SEZ6L: variants seen among roughly 807,000 people sequenced by gnomAD.
SEZ6L encodes the protein seizure 6-like protein.
In SEZ6L, 37 loss-of-function variants were observed where a neutral mutation model predicts 106.2. That is an observed-to-expected ratio of 0.35 (90% confidence interval 0.27 to 0.46). The LOEUF (loss-of-function observed/expected upper bound fraction) is 0.46, where lower values mean the gene tolerates loss of function less well. SEZ6L is among the 20% of genes least tolerant of loss of function. The pLI is 1.00. For missense variants in SEZ6L, 1,172 were observed against 1,332.8 expected (o/e 0.88, Z 1.88); for synonymous variants, 541 against 570.4 (o/e 0.95, Z 0.73).
intron 5 of SEZ6L, among the ~76,000 whole-genome samples, chr22:26,303,392 T>C (rs1185220991): frequency 6.6e-6 from 1 of 152,222 alleles, no homozygotes; most frequent in East Asian, 1.9e-4. Flanking sequence ...GAGCTGATAT[T>C]AGAGATACAA....
chr22:26,174,326 C>T (rs1938828549), intron 1 of SEZ6L, among the ~76,000 whole-genome samples: 2 of 152,244 alleles, frequency 1.3e-5, no homozygotes, highest in Admixed American at 1.3e-4. Flanking sequence ...GAAGGCTTCA[C>T]TCTCAGAACA....
At chr22:26,277,474 T>G (rs980044317) in intron 1 of SEZ6L, among the ~76,000 whole-genome samples, 1 of 152,196 alleles carries the variant, frequency 6.6e-6, no homozygotes, top group South Asian at 2.1e-4. Context: ...CAGCAAGAAA[T>G]TAATCAGTTG....
intron 1 of SEZ6L, among the ~76,000 whole-genome samples, chr22:26,170,367 C>T (rs1938502579): frequency 6.6e-6 from 1 of 152,022 alleles, no homozygotes; most frequent in Admixed American, 6.5e-5. Context: ...GCTGAGGGCT[C>T]TGAGAACTTG....
At chr22:26,222,488 C>T (rs2078506120) in intron 1 of SEZ6L, among the ~76,000 whole-genome samples, 1 of 152,164 alleles carries the variant, frequency 6.6e-6, no homozygotes, top group Non-Finnish European at 1.5e-5. Context: ...AGGTGACCAG[C>T]ATTATTGAGC....
chr22:26,259,680 A>G (rs1392164619), intron 1 of SEZ6L, among the ~76,000 whole-genome samples: 2 of 152,186 alleles, frequency 1.3e-5, no homozygotes, highest in Admixed American at 6.5e-5. Context: ...CACCACGTGA[A>G]TAGCTCAAGT....
At chr22:26,367,255 G>A (rs751379377) in intron 13 of SEZ6L, among the ~76,000 whole-genome samples, 15 of 152,066 alleles carry the variant, frequency 9.9e-5, no homozygotes, top group Non-Finnish European at 1.9e-4. Context: ...AAGAGTCTCC[G>A]TACACTTCTC....
intron 9 of SEZ6L, among the ~76,000 whole-genome samples, chr22:26,316,036 G>A (rs1267666129): frequency 6.6e-6 from 1 of 152,056 alleles, no homozygotes; most frequent in Non-Finnish European, 1.5e-5. Flanking sequence ...CTGGGCAACA[G>A]AGTAAGACTC....
Position 26,375,561 on chromosome 22 carries a change from G to A in SEZ6L, c.2828-14G>A. The A allele has an allele frequency of 6.2e-7, 1 of 1,609,664 alleles. No individual in the cohort carries two copies. Among genetic ancestry groups the A allele is most frequent in the Non-Finnish European group, 8.5e-7 (1 of 1,176,150 alleles). ...TACCTGGGAAATGAGGACCTCACTG[G>A]CTCCTGTGTTCAGTAGCAGAAGCGG... On this transcript the variant is annotated splice_polypyrimidine_tract_variant and intron_variant, in intron 14 of 16. Transcript: ENST00000248933.
chr22:26,297,737 T>C (rs1465668293), intron 4 of SEZ6L, among the ~76,000 whole-genome samples: 1 of 151,872 alleles, frequency 6.6e-6, no homozygotes, highest in South Asian at 2.1e-4. Flanking sequence ...TCCTTTCTCC[T>C]TCCTTCTCTT....
chr22:26,303,243 G>A lies in SEZ6L; in HGVS notation c.1349-2736G>A, dbSNP rs1485089617. ...CCTGAAAGAAGTATGGAGCTTCTTG[G>A]CAATGTCTTTGCTGTAGGTCACAAC... On this transcript the variant is annotated intron_variant, in intron 5 of 16. Transcript: ENST00000248933. Among the ~76,000 whole-genome samples, 3 of 152,186 alleles carry A rather than the reference G, an allele frequency of 2.0e-5. No individual in the cohort carries two copies. The East Asian group carries it at 5.8e-4, about 29-fold the overall frequency.
intron 1 of SEZ6L, among the ~76,000 whole-genome samples, chr22:26,225,601 A>G (rs2145733125): frequency 6.6e-6 from 1 of 152,322 alleles, no homozygotes; most frequent in East Asian, 1.9e-4. Flanking sequence ...AGGGTAATGC[A>G]TTGTGTTCCC....
intron 1 of SEZ6L, among the ~76,000 whole-genome samples, chr22:26,202,323 G>C (rs141312529): frequency 1.1e-4 from 17 of 152,310 alleles, no homozygotes; most frequent in African/African-American, 4.1e-4. Flanking sequence ...ATTGCTAGAT[G>C]ATCCCATAGG....
In SEZ6L at chr22:26,169,704, G is replaced by A; in HGVS notation, c.35G>A (p.Arg12His). ...GCCCGGCCGCCCGCCGCGGGACTCC[G>A]CGGGATCTCGCTGTTCCTCGCTCTG... ...PAARPPAAGL[R>H]GISLFLALLL... Residue 12 changes from arginine to histidine, a missense_variant, in exon 1 of 17, where the codon CGC becomes CAC. Around this residue, in one of 4 missense-constraint regions of SEZ6L, gnomAD observed 494 missense variants for 445.8 expected, o/e 1.11. Coordinates refer to ENST00000248933, the MANE Select transcript of SEZ6L (RefSeq NM_021115.5). 1 of 1,311,100 alleles carries A rather than the reference G, an allele frequency of 7.6e-7. No individual in the cohort carries two copies. Among genetic ancestry groups the A allele is most frequent in the Non-Finnish European group, 9.7e-7 (1 of 1,032,672 alleles). The allele number at this position is 1,311,100 out of a possible 1,614,324, so 81.2% of individuals were successfully genotyped here. A position where few individuals can be genotyped will look rare whatever the true frequency, so the allele number is the denominator to read the frequency against.
chr22:26,347,966 T>A, intron 11 of SEZ6L, 53 bp downstream of exon 11: 2 of 1,440,166 alleles, frequency 1.4e-6, no homozygotes, highest in Non-Finnish European at 1.8e-6. Context: ...AAATCCCTTC[T>A]AGGGATCTTT....
At chr22:26,310,024 C>G (rs987439560) in intron 6 of SEZ6L, among the ~76,000 whole-genome samples, 1 of 152,192 alleles carries the variant, frequency 6.6e-6, no homozygotes, top group African/African-American at 2.4e-5. Context: ...CAAAAGCCAC[C>G]ATTTAGGCAA....
chr22:26,318,875 A>G (rs1334744402), intron 9 of SEZ6L, among the ~76,000 whole-genome samples: 1 of 152,214 alleles, frequency 6.6e-6, no homozygotes, highest in East Asian at 1.9e-4. Flanking sequence ...GAAAGAATCA[A>G]ACAACGACAA....
At position 26,380,345 on chromosome 22, in the gene SEZ6L, C is replaced by A. The variant is rs75138773; in HGVS notation, c.*50C>A. The A allele has an allele frequency of 4.7e-6, 7 of 1,501,094 alleles. No individual in the cohort carries two copies. The South Asian group carries it at 6.8e-5, about 15-fold the overall frequency. 93.0% of individuals were successfully genotyped at this position (1,501,094 alleles called of 1,614,324 possible). On this transcript the variant is annotated 3_prime_UTR_variant, in exon 17 of 17. Transcript: ENST00000248933. Reference sequence around the variant, plus strand: ...CTTGTGAACTCAACCACAATCTCCTCGAGACATTCATCCAGAGACCATGTG... The same window carrying A: ...CTTGTGAACTCAACCACAATCTCCTAGAGACATTCATCCAGAGACCATGTG...
chr22:26,175,858 C>T (rs1950702357), intron 1 of SEZ6L, among the ~76,000 whole-genome samples: 2 of 152,220 alleles, frequency 1.3e-5, no homozygotes. Context: ...ATAATCACTA[C>T]CACATTCATC....
chr22:26,183,843 TGGCC>T (rs1424795342), intron 1 of SEZ6L, among the ~76,000 whole-genome samples: 5 of 152,236 alleles, frequency 3.3e-5, no homozygotes, highest in Non-Finnish European at 5.9e-5. Context: ...TAATGAGGTT[TGGCC>T]AGAAACAAAT....
Sources: gnomAD v4.1 joint callset for allele counts (sites outside exome capture counted in the v4.1 genomes callset) on GRCh38, gnomAD v4.1.1 for gene constraint, gnomAD v4.1.1 regional missense constraint, MANE v1.5 for transcripts, NCBI Gene and HGNC (gene_info 2026-07-23, HGNC 2026-07-21) for gene names.